Variants in SORL1 observed in about 807,000 individuals in gnomAD.
The protein encoded by SORL1 is sortilin-related receptor.
SORL1 carries 127 observed loss-of-function variants against 273.7 expected under a neutral mutation model. The observed-to-expected ratio is 0.46, with a 90% CI of 0.40 to 0.54. The LOEUF is 0.54. Ranked by LOEUF, SORL1 falls within the 20% of genes least tolerant of loss-of-function variation. SORL1 has a pLI of 0.00. For synonymous variants in SORL1, 1,031 were observed against 1,067.4 expected (o/e 0.97, Z 0.66); for missense variants, 2,494 against 2,846.1 (o/e 0.88, Z 2.81).
intron 5 of SORL1, among the ~76,000 whole-genome samples, chr11:121,493,514 C>T (rs1012029311): frequency 1.3e-5 from 2 of 152,132 alleles, no homozygotes; most frequent in Non-Finnish European, 2.9e-5. Context: ...ACCTTGGCCT[C>T]CCAAAGTGCT....
chr11:121,478,043 A>G lies in SORL1; in HGVS notation c.403-75A>G, dbSNP rs1861305925. 8 of 1,460,598 alleles carry G rather than the reference A, an allele frequency of 5.5e-6. No individual in the cohort carries two copies. In the South Asian group the frequency reaches 9.5e-5, roughly 17 times the overall value. The allele number at this position is 1,460,598 out of a possible 1,614,324, so 90.5% of individuals were successfully genotyped here. A position where few individuals can be genotyped will look rare whatever the true frequency, so the allele number is the denominator to read the frequency against. ...GTGAAACTCAGTCTCAAAAAAAAAAAAAAAAAAAAGAAAGATCTTTCTGCC... is the reference window on the plus strand; with the variant it reads ...GTGAAACTCAGTCTCAAAAAAAAAAGAAAAAAAAAGAAAGATCTTTCTGCC... On this transcript the variant is annotated intron_variant, in intron 2 of 47. Coordinates refer to ENST00000260197, the MANE Select transcript of SORL1 (RefSeq NM_003105.6).
chr11:121,488,881 C>T (rs575494859), intron 4 of SORL1, among the ~76,000 whole-genome samples: 6 of 152,188 alleles, frequency 3.9e-5, no homozygotes, highest in Non-Finnish European at 8.8e-5. Context: ...AACCTTGGAA[C>T]GTTTTTTTGC....
intron 2 of SORL1, among the ~76,000 whole-genome samples, chr11:121,473,965 G>T (rs1861217768): frequency 6.6e-6 from 1 of 152,154 alleles, no homozygotes; most frequent in Non-Finnish European, 1.5e-5. Flanking sequence ...TTCTGCTTTT[G>T]TCCCTAGAGC....
intron 12 of SORL1, among the ~76,000 whole-genome samples, chr11:121,541,429 CA>C (rs542716157): frequency 6.6e-6 from 1 of 152,286 alleles, no homozygotes; most frequent in South Asian, 2.1e-4. Flanking sequence ...AGGCTGGTCT[CA>C]AACTCCTGGC....
chr11:121,497,034 T>G lies in SORL1; in HGVS notation c.924T>G (p.Phe308Leu). The change falls in exon 6 of 48, where the codon TTT (phenylalanine) becomes TTG (leucine). Residue 308 changes from phenylalanine to leucine, a missense_variant. By Grantham distance (22) the Phe-to-Leu change is conservative. Transcript: ENST00000260197. ...RDFQLRDKYM[F>L]ATKVVHLLGS... ...TTCAGCTTCGGGACAAGTACATGTT[T>G]GCTACAAAGGTGGTGGTAAGTTGAA... 1 of 1,613,664 alleles carries G rather than the reference T, an allele frequency of 6.2e-7. No individual in the cohort carries two copies. Among genetic ancestry groups the G allele is most frequent in the African/African-American group, 1.3e-5 (1 of 75,010 alleles).
chr11:121,571,408 C>T (rs1050313695), intron 23 of SORL1, among the ~76,000 whole-genome samples: 8 of 152,188 alleles, frequency 5.3e-5, no homozygotes, highest in Non-Finnish European at 7.3e-5. Context: ...TGGACTTTAT[C>T]GGAGAAGCAG....
In SORL1 at chr11:121,577,269, TC is replaced by T. The variant is rs1281373558; in HGVS notation, c.3461-11del. On this transcript the variant is annotated splice_polypyrimidine_tract_variant and intron_variant, in intron 24 of 47. Coordinates refer to ENST00000260197, the MANE Select transcript of SORL1 (RefSeq NM_003105.6). ...TTTGTCCTCACCTCTCTGTTTATGG[TC>T]TCACCTGCAGAAATGCACCAGTGCC... 1.9e-6 allele frequency: 3 copies of T among 1,574,504 alleles called. No individual in the cohort carries two copies. The highest frequency in any genetic ancestry group is 2.6e-6 in the Non-Finnish European group (3 of 1,162,212).
At chr11:121,484,186 G>A in intron 3 of SORL1, among the ~76,000 whole-genome samples, 1 of 152,136 alleles carries the variant, frequency 6.6e-6, no homozygotes. Context: ...TGTCCTTTAG[G>A]GAAATGTGTC....
chr11:121,624,941 T>C, intron 45 of SORL1, 144 bp from the exon 46 acceptor site: 1 of 548,160 alleles, frequency 1.8e-6, no homozygotes, highest in Admixed American at 3.5e-5. Flanking sequence ...TCAGTGGTAA[T>C]GTAAAAAGAA....
intron 38 of SORL1, chr11:121,610,322 G>A (rs1863543789): frequency 6.6e-6 from 1 of 152,232 alleles, no homozygotes; most frequent in Non-Finnish European, 1.5e-5. Flanking sequence ...GCGCTCATTG[G>A]TTGAACTGAG....
chr11:121,491,768 C>T (rs1861557330), intron 5 of SORL1, among the ~76,000 whole-genome samples: 1 of 152,186 alleles, frequency 6.6e-6, no homozygotes, highest in South Asian at 2.1e-4. Context: ...TCTGCGTTTA[C>T]TCTTGTTTTT....
At chr11:121,567,904 T>C (rs1024740631) in intron 22 of SORL1, among the ~76,000 whole-genome samples, 6 of 152,110 alleles carry the variant, frequency 3.9e-5, no homozygotes, top group African/African-American at 1.4e-4. Context: ...TTTTTATATA[T>C]ATTTTAAAGA....
chr11:121,567,760 T>C (rs1862774696), intron 22 of SORL1, among the ~76,000 whole-genome samples: 1 of 152,244 alleles, frequency 6.6e-6, no homozygotes, highest in Non-Finnish European at 1.5e-5. Context: ...ATTTTTACTG[T>C]CACCACTTCC....
chr11:121,480,558 C>T (rs12575853), intron 3 of SORL1, among the ~76,000 whole-genome samples: 1 of 151,944 alleles, frequency 6.6e-6, no homozygotes, highest in Non-Finnish European at 1.5e-5. Context: ...CTCCTCACCT[C>T]CTGCTGTGGT....
intron 43 of SORL1, 140 bp from the exon 44 acceptor site, chr11:121,620,924 A>G (rs1320091220): frequency 1.6e-6 from 1 of 619,196 alleles, no homozygotes; most frequent in East Asian, 2.8e-5. Flanking sequence ...CTTCCAAAGA[A>G]TGGAGTCAGA....
intron 1 of SORL1, among the ~76,000 whole-genome samples, chr11:121,469,689 G>C (rs186699590): frequency 1.3e-5 from 2 of 152,172 alleles, no homozygotes; most frequent in Non-Finnish European, 2.9e-5. Context: ...CATACATAGA[G>C]TAAGGATCAG....
chr11:121,597,550 C>T (rs181928653), intron 32 of SORL1, among the ~76,000 whole-genome samples: 68 of 152,076 alleles, frequency 4.5e-4, no homozygotes, highest in African/African-American at 1.6e-3. Context: ...CAGCTTCCGC[C>T]TTTCGAGCTC....
chr11:121,509,643 A>T (rs530771496), intron 6 of SORL1, among the ~76,000 whole-genome samples: 117 of 151,794 alleles, frequency 7.7e-4, no homozygotes, highest in African/African-American at 2.5e-3. Flanking sequence ...TGCCTAGCTA[A>T]TTTTTCTATT....
At chr11:121,622,500 A>G (rs1000772526) in intron 45 of SORL1, among the ~76,000 whole-genome samples, 5 of 152,236 alleles carry the variant, frequency 3.3e-5, no homozygotes, top group African/African-American at 1.2e-4. Flanking sequence ...GCACTTTTCA[A>G]TCCTGACTTG....
Sources: allele counts gnomAD v4.1 joint callset (sites outside exome capture counted in the v4.1 genomes callset), GRCh38; gene constraint gnomAD v4.1.1; transcripts MANE v1.5; gene names NCBI Gene and HGNC (gene_info 2026-07-23, HGNC 2026-07-21).